NHSL2: variants seen among roughly 807,000 people sequenced by gnomAD.
The protein encoded by NHSL2 is NHS-like protein 2.
A neutral mutation model predicts 53.4 loss-of-function variants in NHSL2; 27 were observed. That is an observed-to-expected ratio of 0.51 (90% CI 0.37 to 0.70). The LOEUF is 0.70. Among genes scored for constraint, NHSL2 ranks in the 30% least tolerant of loss-of-function variants. NHSL2 has a pLI of 0.00. For missense variants in NHSL2, 892 were observed against 980.1 expected (o/e 0.91, Z 1.20); for synonymous variants, 408 against 404.1 (o/e 1.01, Z -0.12).
intron 1 of NHSL2, among the ~76,000 whole-genome samples, chrX:71,921,638 G>A (rs1259289813): frequency 9.0e-6 from 1 of 111,232 alleles, no homozygotes; most frequent in Non-Finnish European, 1.9e-5. Flanking sequence ...CACCCATGAT[G>A]TTACTGGGTT....
intron 1 of NHSL2, among the ~76,000 whole-genome samples, chrX:72,099,264 A>G (rs910289036): frequency 9.0e-6 from 1 of 111,144 alleles, no homozygotes; most frequent in South Asian, 3.7e-4. Flanking sequence ...CACCTTTATT[A>G]TATCCTAAAT....
intron 1 of NHSL2, among the ~76,000 whole-genome samples, chrX:72,000,332 T>A (rs2042067246): frequency 8.9e-6 from 1 of 112,105 alleles, no homozygotes; most frequent in African/African-American, 3.2e-5. Context: ...GATAAGGATA[T>A]TAAGGCTAAG....
chrX:72,095,118 A>G (rs771615551), intron 1 of NHSL2, among the ~76,000 whole-genome samples: 1 of 112,058 alleles, frequency 8.9e-6, no homozygotes, highest in Admixed American at 9.5e-5. Context: ...ATGGTTCCCA[A>G]GCACTTTTGC....
chrX:72,069,820 G>T (rs768365458), intron 1 of NHSL2: 3 of 604,506 alleles, frequency 5.0e-6, no homozygotes, highest in Non-Finnish European at 6.6e-6. Flanking sequence ...GCTGCCATGC[G>T]GGGCCCCTGA....
At position 71,911,293 on chromosome X, in the gene NHSL2, A is replaced by T. The variant is rs1404160169; in HGVS notation, c.206A>T (p.Tyr69Phe). 1.8e-6 allele frequency: 2 copies of T among 1,131,865 alleles called. No homozygotes were observed. Among genetic ancestry groups the T allele is most frequent in the Non-Finnish European group, 1.2e-6 (1 of 858,981 alleles). The allele number at this position is 1,131,865 out of a possible 1,213,427, so 93.3% of individuals were successfully genotyped here. The change falls in exon 1 of 8, where the codon TAC becomes TTC. Residue 69 changes from tyrosine to phenylalanine, a missense_variant. By Grantham distance (22) the Tyr-to-Phe change is conservative (BLOSUM62 3). Coordinates refer to ENST00000633930, the MANE Select transcript of NHSL2 (RefSeq NM_001013627.3). ...CTGGGGCGCCGCACAGACAGCCTGT[A>T]CCGGCGCACCGTGCGCCTCCGCCGC... Reference protein sequence around the residue: ...LALGRRTDSLYRRTVRLRRRL... With the variant: ...LALGRRTDSLFRRTVRLRRRL...
chrX:71,941,846 C>T (rs2041767309), intron 1 of NHSL2, among the ~76,000 whole-genome samples: 1 of 111,771 alleles, frequency 8.9e-6, no homozygotes, highest in Non-Finnish European at 1.9e-5. Flanking sequence ...GACCTTTCCT[C>T]AGGGAATGTT....
intron 1 of NHSL2, among the ~76,000 whole-genome samples, chrX:72,064,698 C>T (rs1248516481): frequency 8.9e-6 from 1 of 111,829 alleles, no homozygotes; most frequent in African/African-American, 3.3e-5. Flanking sequence ...GGACATGGGC[C>T]CCTGAGTTGC....
intron 1 of NHSL2, among the ~76,000 whole-genome samples, chrX:72,047,333 T>C (rs1203877552): frequency 1.8e-5 from 2 of 112,354 alleles, no homozygotes; most frequent in African/African-American, 6.5e-5. Context: ...CTATTGTGTT[T>C]CCCAGTTTTG....
intron 1 of NHSL2, among the ~76,000 whole-genome samples, chrX:72,035,627 T>C (rs1431261238): frequency 1.8e-5 from 2 of 112,007 alleles, no homozygotes; most frequent in Non-Finnish European, 3.8e-5. Flanking sequence ...TTATTTATAA[T>C]TATCTTAAAT....
At chrX:72,133,940 A>C (rs2042331522) in intron 2 of NHSL2, 151 bp from the exon 3 acceptor site, 1 of 520,766 alleles carries the variant, frequency 1.9e-6, no homozygotes, top group African/African-American at 2.4e-5. Flanking sequence ...TCCATTTCCA[A>C]ATCCAGTGGC....
At chrX:72,042,471 C>G (rs1453305260) in intron 1 of NHSL2, among the ~76,000 whole-genome samples, 1 of 111,608 alleles carries the variant, frequency 9.0e-6, no homozygotes, top group Non-Finnish European at 1.9e-5. Context: ...ACGCCCTACC[C>G]TGCCTCATGT....
At chrX:71,943,797 G>T (rs1337031395) in intron 1 of NHSL2, among the ~76,000 whole-genome samples, 3 of 112,251 alleles carry the variant, frequency 2.7e-5, no homozygotes, top group Non-Finnish European at 5.6e-5. Flanking sequence ...AACTTAGAGT[G>T]GCTTAAACAA....
In NHSL2 at chrX:72,143,844, A is replaced by C. The variant is rs1287233008; in HGVS notation, c.*270A>C. ...TTATTTTCCCCCAGTGGTGTGCACT[A>C]ACTAAGAAGAAATTTTCAGATGTCA... On this transcript the variant is annotated 3_prime_UTR_variant, in exon 8 of 8. Transcript: ENST00000633930. 1 of 204,561 alleles carries C rather than the reference A, an allele frequency of 4.9e-6. No homozygotes were observed. The highest frequency in any genetic ancestry group is 6.9e-5 in the Admixed American group (1 of 14,519). The allele number at this position is 204,561 out of a possible 1,213,427, so 16.9% of individuals were successfully genotyped here. A position where few individuals can be genotyped will look rare whatever the true frequency, so the allele number is the denominator to read the frequency against.
At chrX:72,131,951 A>G in intron 1 of NHSL2, 128 bp from the exon 2 acceptor site, 2 of 621,233 alleles carry the variant, frequency 3.2e-6, no homozygotes, top group Non-Finnish European at 5.0e-6. Flanking sequence ...CCGCCTTTTA[A>G]GCGCAGCCTC....
At chrX:72,054,492 T>C (rs2042357537) in intron 1 of NHSL2, among the ~76,000 whole-genome samples, 1 of 112,052 alleles carries the variant, frequency 8.9e-6, no homozygotes, top group Non-Finnish European at 1.9e-5. Flanking sequence ...TTTTCTTGAT[T>C]AGAAAAGTAA....
At chrX:72,012,599 T>C (rs1203745196) in intron 1 of NHSL2, among the ~76,000 whole-genome samples, 1 of 112,646 alleles carries the variant, frequency 8.9e-6, no homozygotes, top group Non-Finnish European at 1.9e-5. Context: ...GATTTAGGAC[T>C]CACTTGAATC....
At chrX:72,061,411 C>T (rs774413554) in intron 1 of NHSL2, among the ~76,000 whole-genome samples, 2 of 111,956 alleles carry the variant, frequency 1.8e-5, no homozygotes, top group East Asian at 2.8e-4. Flanking sequence ...TTTTCTCATA[C>T]GTGCAATGGG....
chrX:72,137,013 C>G, intron 4 of NHSL2, 81 bp from the exon 5 acceptor site: 1 of 849,196 alleles, frequency 1.2e-6, no homozygotes, highest in African/African-American at 2.0e-5. Flanking sequence ...CGACTGCCAT[C>G]ATTCTCTTCT....
intron 1 of NHSL2, among the ~76,000 whole-genome samples, chrX:72,024,973 A>G (rs1038538474): frequency 4.5e-5 from 5 of 112,251 alleles, no homozygotes; most frequent in Non-Finnish European, 9.4e-5. Flanking sequence ...TATGTTGTGC[A>G]ATAGGACACC....
Sources: allele counts gnomAD v4.1 joint callset (sites outside exome capture counted in the v4.1 genomes callset), GRCh38; gene constraint gnomAD v4.1.1; transcripts MANE v1.5; gene names NCBI Gene and HGNC (gene_info 2026-07-23, HGNC 2026-07-21).